Variants in TTC39C observed in about 807,000 individuals in gnomAD.
TTC39C encodes tetratricopeptide repeat protein 39C.
TTC39C carries 33 observed loss-of-function variants against 76.3 expected under a neutral mutation model. The observed-to-expected ratio is 0.43, with a 90% CI of 0.33 to 0.58. The LOEUF (loss-of-function observed/expected upper bound fraction) is 0.58. TTC39C is among the 20% of genes least tolerant of loss of function. TTC39C has a pLI of 0.04. For synonymous variants in TTC39C, 254 were observed against 260.6 expected (o/e 0.97, Z 0.24); for missense variants, 595 against 701.4 (o/e 0.85, Z 1.71).
intron 1 of TTC39C, among the ~76,000 whole-genome samples, chr18:24,043,326 C>T (rs1345737221): frequency 6.6e-6 from 1 of 152,120 alleles, no homozygotes; most frequent in Non-Finnish European, 1.5e-5. Flanking sequence ...TGTGCCACTG[C>T]ACTCCAGCCT....
intron 6 of TTC39C, among the ~76,000 whole-genome samples, chr18:24,107,897 G>GGT (rs2084767806): frequency 7.0e-6 from 1 of 142,178 alleles, no homozygotes; most frequent in African/African-American, 2.5e-5. Context: ...TAGGGGGGGG[G>GGT]GTACAGGCAT....
At chr18:24,054,253 C>G (rs1195351997) in intron 1 of TTC39C, among the ~76,000 whole-genome samples, 1 of 152,182 alleles carries the variant, frequency 6.6e-6, no homozygotes, top group Non-Finnish European at 1.5e-5. Context: ...GTGAATCACT[C>G]ATTCCCACAT....
chr18:24,022,897 A>G (rs1395744183), intron 1 of TTC39C: 2 of 984,178 alleles, frequency 2.0e-6, no homozygotes, highest in Non-Finnish European at 1.2e-6. Context: ...AAAAGGTTGT[A>G]TGACTCCTCT....
At chr18:24,004,923 C>T (rs1197239503) in intron 1 of TTC39C, among the ~76,000 whole-genome samples, 1 of 152,164 alleles carries the variant, frequency 6.6e-6, no homozygotes, top group Non-Finnish European at 1.5e-5. Flanking sequence ...GAGGTTATTG[C>T]TAAAATGCAG....
intron 1 of TTC39C, among the ~76,000 whole-genome samples, chr18:24,044,986 G>A (rs144860943): frequency 2.0e-5 from 3 of 151,828 alleles, no homozygotes; most frequent in Admixed American, 6.6e-5. Context: ...TAGAGTCTCC[G>A]GGCCAGGTGC....
chr18:24,099,005 A>ATG (rs71373362), intron 6 of TTC39C, among the ~76,000 whole-genome samples: 11,171 of 130,574 alleles, frequency 0.086, 494 homozygotes, highest in African/African-American at 0.13. Context: ...AGTTAGAGGA[A>ATG]TGTGTGTGTG....
chr18:24,112,685 G>A (rs1458463047), intron 6 of TTC39C, among the ~76,000 whole-genome samples: 2 of 152,150 alleles, frequency 1.3e-5, no homozygotes, highest in Non-Finnish European at 2.9e-5. Context: ...TGTACCATGG[G>A]GGACACGGGG....
chr18:24,006,362 C>T (rs2083352094), intron 1 of TTC39C: 1 of 152,148 alleles, frequency 6.6e-6, no homozygotes, highest in South Asian at 2.1e-4. Flanking sequence ...TTCTCCTTTA[C>T]ATACCTTAGG....
chr18:24,019,784 C>T (rs2083496897), intron 1 of TTC39C: 1 of 1,216,392 alleles, frequency 8.2e-7, no homozygotes, highest in Non-Finnish European at 1.1e-6. Context: ...TTGTGCACTA[C>T]ACCTGCAGAA....
intron 1 of TTC39C, among the ~76,000 whole-genome samples, chr18:24,017,279 G>A (rs895415512): frequency 1.3e-5 from 2 of 152,170 alleles, no homozygotes; most frequent in Non-Finnish European, 2.9e-5. Flanking sequence ...TTGCATACAG[G>A]TGTGATCATG....
chr18:24,045,916 T>TATGTAC (rs1272749738), intron 1 of TTC39C, among the ~76,000 whole-genome samples: 2,249 of 39,156 alleles, frequency 0.057, 174 homozygotes, highest in Non-Finnish European at 0.069. Context: ...TATATATATA[T>TATGTAC]ATATATATAT....
At chr18:24,095,635 G>T (rs2084578904) in intron 6 of TTC39C, among the ~76,000 whole-genome samples, 1 of 152,146 alleles carries the variant, frequency 6.6e-6, no homozygotes, top group Non-Finnish European at 1.5e-5. Flanking sequence ...GGAGGCAGAG[G>T]TTGCAGTGAG....
Position 24,015,050 on chromosome 18 carries a change from G to A in TTC39C, c.167+12G>A. 2.1e-6 allele frequency: 3 copies of A among 1,422,574 alleles called. No homozygotes were observed. Among genetic ancestry groups the A allele is most frequent in the Non-Finnish European group, 2.8e-6 (3 of 1,080,014 alleles). The allele number at this position is 1,422,574 out of a possible 1,614,324, so 88.1% of individuals were successfully genotyped here. A position where few individuals can be genotyped will look rare whatever the true frequency, so the allele number is the denominator to read the frequency against. ...TTCAAACAATACAGGTGACCCACGCGTCCCCGATTCCCCAACCCTGCAGCG... is the reference window on the plus strand; with the variant it reads ...TTCAAACAATACAGGTGACCCACGCATCCCCGATTCCCCAACCCTGCAGCG... On this transcript the variant is annotated intron_variant, in intron 1 of 13. Coordinates refer to ENST00000317571, the MANE Select transcript of TTC39C (RefSeq NM_001135993.2).
chr18:24,041,245 T>C (rs1446104850), intron 1 of TTC39C, among the ~76,000 whole-genome samples: 2 of 152,250 alleles, frequency 1.3e-5, no homozygotes, highest in African/African-American at 4.8e-5. Context: ...TGATAGCATC[T>C]AAAACAGCTT....
rs35502981 is a variant in TTC39C at position 24,061,593 on chromosome 18, T to TAAAAAAAA, written c.168-2531_168-2524dup. Among the ~76,000 whole-genome samples the TAAAAAAAA allele has an allele frequency of 6.3e-5, 6 of 95,810 alleles. 1 individual carries two copies. The highest frequency in any genetic ancestry group is 1.3e-4 in the Admixed American group (1 of 7,742). 62.9% of individuals were successfully genotyped at this position (95,810 alleles called of 152,430 possible). Reference sequence around the variant, plus strand: ...TTAACTTAGGATCACTTGAAATAAGTAAAAAAAAAAAAAAAAAAAAAAAGC... The same window carrying TAAAAAAAA: ...TTAACTTAGGATCACTTGAAATAAGTAAAAAAAAAAAAAAAAAAAAAAAAAAAAAAAGC... On this transcript the variant is annotated intron_variant, in intron 1 of 13. Transcript: ENST00000317571.
chr18:24,074,812 G>C (rs539150272), intron 4 of TTC39C, among the ~76,000 whole-genome samples: 1 of 152,288 alleles, frequency 6.6e-6, no homozygotes, highest in South Asian at 2.1e-4. Context: ...TATATACCCA[G>C]AGGATTATAA....
At chr18:24,068,506 G>A (rs1391542864) in intron 3 of TTC39C, among the ~76,000 whole-genome samples, 2 of 152,162 alleles carry the variant, frequency 1.3e-5, no homozygotes, top group Admixed American at 6.5e-5. Flanking sequence ...AGAATGCAGA[G>A]TGTTCTATTC....
chr18:24,134,257 G>GTTGTTTTTTTTTTTTTTTTTTTT lies in TTC39C; in HGVS notation c.*1685_*1686insGTTTTTTTTTTTTTTTTTTTTTT, dbSNP rs1555779358. The stretch of plus-strand genomic sequence containing the variant: ...TGGTGCCCAAAAATATTGGACATCT[G>GTTGTTTTTTTTTTTTTTTTTTTT]TTTTTTGTTTTTTTTTTTTTTTTTT... On this transcript the variant is annotated 3_prime_UTR_variant, in exon 14 of 14. Transcript: ENST00000317571. The GTTGTTTTTTTTTTTTTTTTTTTT allele has an allele frequency of 2.1e-5, 1 of 48,688 alleles. No homozygotes were observed. The highest frequency in any genetic ancestry group is 6.0e-5 in the African/African-American group (1 of 16,714). The allele number at this position is 48,688 out of a possible 1,614,324, so 3.0% of individuals were successfully genotyped here. A position where few individuals can be genotyped will look rare whatever the true frequency, so the allele number is the denominator to read the frequency against.
chr18:24,123,626 C>A, intron 8 of TTC39C: 1 of 411,076 alleles, frequency 2.4e-6, no homozygotes, highest in Non-Finnish European at 4.3e-6. Context: ...AGGCTGGTCT[C>A]GAATTCCTGA....
Sources: allele counts gnomAD v4.1 joint callset (sites outside exome capture counted in the v4.1 genomes callset), GRCh38; gene constraint gnomAD v4.1.1; transcripts MANE v1.5; gene names NCBI Gene and HGNC (gene_info 2026-07-23, HGNC 2026-07-21).